The following ZNF346 variants were observed in gnomAD, a reference collection of about 807,000 sequenced individuals.
ZNF346 encodes the protein zinc finger protein 346.
A neutral mutation model predicts 33.7 loss-of-function variants in ZNF346; 23 were observed. That is an observed-to-expected ratio of 0.68 (90% CI 0.49 to 0.97). The LOEUF is 0.97. ZNF346 is among the 50% of genes least tolerant of loss of function. The probability of loss-of-function intolerance (pLI) is 0.00; values close to 1 mark genes in which losing one functional copy is unlikely to be tolerated. For synonymous variants in ZNF346, 134 were observed against 142.4 expected, an observed-to-expected ratio of 0.94 and a Z score of 0.42; for missense variants, 340 against 371.1, an observed-to-expected ratio of 0.92 and a Z score of 0.69.
At chr5:177,042,369 G>C (rs1779444122) in intron 3 of ZNF346, 1 of 152,456 alleles carries the variant, frequency 6.6e-6, no homozygotes, top group South Asian at 2.1e-4. Flanking sequence ...GCATTATGCT[G>C]AAGCAACCCC....
At chr5:177,075,162 AGG>A (rs924574007) in intron 8 of ZNF346, among the ~76,000 whole-genome samples, 19 of 151,972 alleles carry the variant, frequency 1.3e-4, no homozygotes, top group African/African-American at 4.1e-4. Context: ...GCATTTTGGG[AGG>A]CCAAAGCAGG....
chr5:177,040,775 C>T (rs1779241185), intron 1 of ZNF346, among the ~76,000 whole-genome samples: 2 of 152,226 alleles, frequency 1.3e-5, no homozygotes. Context: ...TATCTTAAAA[C>T]CTCTCAGCAC....
intron 5 of ZNF346, among the ~76,000 whole-genome samples, chr5:177,057,381 A>G (rs1486696005): frequency 1.3e-5 from 2 of 152,108 alleles, no homozygotes; most frequent in Non-Finnish European, 2.9e-5. Flanking sequence ...CTCTAAAACT[A>G]AGTTGTATAT....
chr5:177,058,344 G>T (rs968530256), intron 5 of ZNF346, among the ~76,000 whole-genome samples: 3 of 151,572 alleles, frequency 2.0e-5, no homozygotes, highest in Admixed American at 6.6e-5. Context: ...AGTGGTGCAT[G>T]CCTGTAATCT....
chr5:177,053,988 C>A (rs1781327225), intron 5 of ZNF346, among the ~76,000 whole-genome samples: 1 of 151,964 alleles, frequency 6.6e-6, no homozygotes. Context: ...ACATCCTAAA[C>A]AGGGTAGAAT....
Position 177,034,040 on chromosome 5 carries a change from C to T in ZNF346, c.176-7086C>T, listed in dbSNP as rs528085786. Among the ~76,000 whole-genome samples, 10 of 151,988 alleles carry T rather than the reference C, an allele frequency of 6.6e-5. No individual in the cohort carries two copies. The East Asian group carries it at 9.7e-4, about 15-fold the overall frequency. On this transcript the variant is annotated intron_variant, in intron 1 of 6. Transcript: ENST00000358149. ...GGGATAACAAGTGTGCACCACCATACCCAGCTAATTTTTTGTAGTTTTTTA... is the reference window on the plus strand; with the variant it reads ...GGGATAACAAGTGTGCACCACCATATCCAGCTAATTTTTTGTAGTTTTTTA...
chr5:177,051,160 GTTTTC>G (rs1245663104), intron 5 of ZNF346, among the ~76,000 whole-genome samples: 2 of 146,030 alleles, frequency 1.4e-5, no homozygotes, highest in African/African-American at 2.6e-5. Flanking sequence ...TATCTTTCAG[GTTTTC>G]TTTTCTTTTT....
chr5:177,035,685 G>T (rs1389250142), intron 1 of ZNF346, among the ~76,000 whole-genome samples: 1 of 148,346 alleles, frequency 6.7e-6, no homozygotes, highest in Non-Finnish European at 1.5e-5. Flanking sequence ...GCGCAGGCTG[G>T]AGTGCAGTGG....
At chr5:177,053,814 A>G (rs184571039) in intron 5 of ZNF346, among the ~76,000 whole-genome samples, 1 of 152,324 alleles carries the variant, frequency 6.6e-6, no homozygotes. Flanking sequence ...ATACTAGTCC[A>G]TGCCTAATCC....
chr5:177,058,340 G>A (rs528153712), intron 5 of ZNF346, among the ~76,000 whole-genome samples: 15 of 151,594 alleles, frequency 9.9e-5, no homozygotes, highest in African/African-American at 1.7e-4. Flanking sequence ...GCGTAGTGGT[G>A]CATGCCTGTA....
At chr5:177,023,053 T>G in intron 1 of ZNF346, 140 bp downstream of exon 1, 1 of 1,445,626 alleles carries the variant, frequency 6.9e-7, no homozygotes, top group Non-Finnish European at 9.3e-7. Context: ...GTGCTCCCCA[T>G]CCGGGCGCGG....
intron 1 of ZNF346, among the ~76,000 whole-genome samples, chr5:177,031,817 G>C (rs954278929): frequency 6.6e-6 from 1 of 151,822 alleles, no homozygotes; most frequent in Admixed American, 6.6e-5. Context: ...CTTCAGATCA[G>C]CTATTTCTAT....
chr5:177,040,596 C>T (rs565334973), intron 1 of ZNF346, among the ~76,000 whole-genome samples: 4 of 152,282 alleles, frequency 2.6e-5, no homozygotes, highest in South Asian at 4.1e-4. Context: ...CTGCCCACCT[C>T]GGCCTCCCAA....
chr5:177,044,592 G>A (rs948374155), intron 4 of ZNF346, 59 bp downstream of exon 4: 3 of 1,571,826 alleles, frequency 1.9e-6, no homozygotes, highest in Non-Finnish European at 2.6e-6. Context: ...GGGCACTACT[G>A]CCAGGGGCTC....
At chr5:177,054,805 A>C (rs1219857022) in intron 5 of ZNF346, among the ~76,000 whole-genome samples, 3 of 152,188 alleles carry the variant, frequency 2.0e-5, no homozygotes, top group African/African-American at 7.2e-5. Context: ...GGACTACTGT[A>C]ATGATTGCAT....
chr5:177,047,959 T>G (rs1375259805), intron 4 of ZNF346, among the ~76,000 whole-genome samples: 1 of 152,134 alleles, frequency 6.6e-6, no homozygotes, highest in Non-Finnish European at 1.5e-5. Context: ...CTTCTATATG[T>G]TTTTTATTTA....
chr5:177,044,649 T>C, intron 4 of ZNF346, 116 bp downstream of exon 4: 1 of 1,130,676 alleles, frequency 8.8e-7, no homozygotes, highest in Non-Finnish European at 1.3e-6. Flanking sequence ...TTGAATTGCT[T>C]TTGAGAACCC....
chr5:177,060,672 G>A (rs1298000849), intron 5 of ZNF346, among the ~76,000 whole-genome samples: 1 of 152,116 alleles, frequency 6.6e-6, no homozygotes, highest in Admixed American at 6.6e-5. Context: ...ATTAGGCATG[G>A]TGGCACGCAC....
downstream of ZNF346, among the ~76,000 whole-genome samples, chr5:177,071,696 AAGAAGAAG>A (rs1297203653): frequency 1.4e-5 from 2 of 147,606 alleles, no homozygotes; most frequent in Admixed American, 1.3e-4. Context: ...AAAAAAAAAA[AAGAAGAAG>A]AAGAAGAAAG....
Sources: allele counts gnomAD v4.1 joint callset (sites outside exome capture counted in the v4.1 genomes callset), GRCh38; gene constraint gnomAD v4.1.1; transcripts MANE v1.5; gene names NCBI Gene and HGNC (gene_info 2026-07-23, HGNC 2026-07-21).